LAMB4: variants seen among roughly 807,000 people sequenced by gnomAD.
LAMB4 encodes laminin subunit beta-4.
LAMB4 carries 196 observed loss-of-function variants against 199.2 expected under a neutral mutation model. That is an observed-to-expected ratio of 0.98 (90% CI 0.88 to 1.11). The LOEUF is 1.11. LAMB4 is among the 50% of genes least tolerant of loss of function. The probability of loss-of-function intolerance (pLI) is 0.00; values close to 1 mark genes in which losing one functional copy is unlikely to be tolerated. For synonymous variants in LAMB4, 744 were observed against 770.6 expected, an observed-to-expected ratio of 0.97 and a Z score of 0.57; for missense variants, 2,080 against 2,171.2, an observed-to-expected ratio of 0.96 and a Z score of 0.83.
Position 108,055,734 on chromosome 7 carries a change from T to G in LAMB4, c.3653A>C (p.Lys1218Thr). 6.2e-7 allele frequency: 1 copy of G among 1,614,194 alleles called. No homozygotes were observed. Among genetic ancestry groups the G allele is most frequent in the Non-Finnish European group, 8.5e-7 (1 of 1,179,990 alleles). ...TTCAGACACGTTCCCTCTGAGGTCT[T>G]TGAAGTCTGCCTCACAGACAGGCAG... ...ETLPVCEADFKDLRGNVSEIE... is the reference protein window; with the variant it reads ...ETLPVCEADFTDLRGNVSEIE... The change falls in exon 25 of 34, where the codon AAA becomes ACA. Residue 1218 changes from lysine (K) to threonine (T), a missense_variant. By Grantham distance (78) the Lys-to-Thr change is moderately conservative (BLOSUM62 -1). Coordinates refer to ENST00000388781, the MANE Select transcript of LAMB4 (RefSeq NM_007356.3).
At chr7:108,056,979 A>G (rs2036005056) in intron 24 of LAMB4, among the ~76,000 whole-genome samples, 1 of 152,182 alleles carries the variant, frequency 6.6e-6, no homozygotes, top group South Asian at 2.1e-4. Context: ...CTCAAAAAAA[A>G]AAAAAAAAAA....
At chr7:108,033,294 A>G (rs1049468558) in intron 31 of LAMB4, among the ~76,000 whole-genome samples, 1 of 152,162 alleles carries the variant, frequency 6.6e-6, no homozygotes, top group East Asian at 1.9e-4. Context: ...CCCTTGTTCT[A>G]AGTATATGCC....
intron 10 of LAMB4, 122 bp downstream of exon 10, chr7:108,102,922 A>C: frequency 1.4e-6 from 1 of 734,110 alleles, no homozygotes; most frequent in Non-Finnish European, 2.0e-6. Context: ...GCAATCCTCC[A>C]CTCTCCAAAA....
intron 4 of LAMB4, among the ~76,000 whole-genome samples, chr7:108,110,347 T>C (rs1385076713): frequency 6.6e-6 from 1 of 152,188 alleles, no homozygotes; most frequent in Non-Finnish European, 1.5e-5. Flanking sequence ...AGTGATTCTT[T>C]ATTATACATT....
chr7:108,012,930 C>T, the LAMB4 span, among the ~76,000 whole-genome samples: 1 of 152,214 alleles, frequency 6.6e-6, no homozygotes. Context: ...GCTCTGATGG[C>T]ACTTCACATG....
intron 23 of LAMB4, among the ~76,000 whole-genome samples, chr7:108,061,063 C>T (rs889590707): frequency 6.6e-6 from 1 of 152,200 alleles, no homozygotes; most frequent in South Asian, 2.1e-4. Context: ...TGGCACTTGA[C>T]TTCTCTGGTG....
intron 8 of LAMB4, among the ~76,000 whole-genome samples, chr7:108,105,396 T>C (rs1441072694): frequency 6.6e-6 from 1 of 152,210 alleles, no homozygotes; most frequent in East Asian, 1.9e-4. Flanking sequence ...AGTAGATTTT[T>C]GTGAGAGAAT....
chr7:108,033,298 A>G (rs1162384518), intron 31 of LAMB4, among the ~76,000 whole-genome samples: 1 of 152,192 alleles, frequency 6.6e-6, no homozygotes, highest in Admixed American at 6.5e-5. Context: ...TGTTCTAAGT[A>G]TATGCCTAGA....
At chr7:108,027,894 T>G (rs954114251) in intron 33 of LAMB4, among the ~76,000 whole-genome samples, 1 of 152,174 alleles carries the variant, frequency 6.6e-6, no homozygotes, top group Non-Finnish European at 1.5e-5. Context: ...GCGATTCTCC[T>G]GCCTCAGCCT....
intron 29 of LAMB4, among the ~76,000 whole-genome samples, chr7:108,039,721 G>A (rs1216778226): frequency 2.6e-5 from 4 of 152,026 alleles, no homozygotes; most frequent in East Asian, 1.9e-4. Context: ...CGCCTGCCTC[G>A]GCCTCCCAAA....
chr7:108,106,452 T>G, intron 7 of LAMB4, 57 bp downstream of exon 7: 6 of 1,012,224 alleles, frequency 5.9e-6, no homozygotes, highest in Non-Finnish European at 9.1e-6. Context: ...TTACAAGGAA[T>G]ATGCCAAACA....
At chr7:108,011,929 A>G in the LAMB4 span, among the ~76,000 whole-genome samples, 8 of 151,782 alleles carry the variant, frequency 5.3e-5, no homozygotes, top group Non-Finnish European at 1.0e-4. Flanking sequence ...AGATGTAGCA[A>G]ATAACATAAT....
chr7:108,020,470 C>CAAAAAAAAAAA (rs57432162), downstream of LAMB4, among the ~76,000 whole-genome samples: 16 of 62,848 alleles, frequency 2.5e-4, no homozygotes, highest in Non-Finnish European at 4.2e-4. Flanking sequence ...GACTCCATCT[C>CAAAAAAAAAAA]AAAAAAAAAA....
intron 1 of LAMB4, among the ~76,000 whole-genome samples, chr7:108,127,798 T>C (rs1368934574): frequency 1.3e-5 from 2 of 152,180 alleles, no homozygotes; most frequent in African/African-American, 4.8e-5. Flanking sequence ...GGCTCCTCAG[T>C]AGTAAGACTC....
chr7:108,086,134 G>A (rs968482502), intron 14 of LAMB4, among the ~76,000 whole-genome samples: 1 of 152,148 alleles, frequency 6.6e-6, no homozygotes, highest in Non-Finnish European at 1.5e-5. Context: ...ACCTGCATCT[G>A]CCCTGGCAGT....
At position 108,047,995 on chromosome 7, in the gene LAMB4, G is replaced by C. The variant is rs183141064; in HGVS notation, c.4239C>G (p.Thr1413=). The change falls in exon 28 of 34, where the codon ACC becomes ACG. Residue 1413 remains threonine (T), a synonymous_variant. Transcript: ENST00000388781. ...CTTTTTGGAGGGCATTCGTTGAGAGGGTCAGGGAGCCGTGACAGCCGGGAC... is the reference window on the plus strand; with the variant it reads ...CTTTTTGGAGGGCATTCGTTGAGAGCGTCAGGGAGCCGTGACAGCCGGGAC... ...CRGPGCHGSL[T]LSTNALQKAQ... The C allele has an allele frequency of 1.2e-4, 195 of 1,614,108 alleles. No homozygotes were observed. The highest frequency in any genetic ancestry group is 1.6e-4 in the Non-Finnish European group (192 of 1,180,000).
rs1174277387 is a variant in LAMB4, at chr7:108,069,688, C to T, written c.2302+20G>A. On this transcript the variant is annotated intron_variant, in intron 18 of 33. Transcript: ENST00000388781. ...TATGGATGTCAGTGCCTCAGTAGAG[C>T]CCATTAAACAGATACTTACCCACAG... The T allele has an allele frequency of 6.2e-7, 1 of 1,602,628 alleles. No individual in the cohort carries two copies. Among genetic ancestry groups the T allele is most frequent in the Non-Finnish European group, 8.5e-7 (1 of 1,172,176 alleles).
intron 2 of LAMB4, among the ~76,000 whole-genome samples, chr7:108,118,175 AT>A (rs2150687614): frequency 6.6e-6 from 1 of 152,308 alleles, no homozygotes; most frequent in South Asian, 2.1e-4. Context: ...TTTATTGTTA[AT>A]TCAATTAAAG....
At chr7:108,128,154 T>C (rs2038859274) in intron 1 of LAMB4, among the ~76,000 whole-genome samples, 1 of 152,094 alleles carries the variant, frequency 6.6e-6, no homozygotes, top group Admixed American at 6.5e-5. Context: ...TCAGTGAAAA[T>C]GCTGTATGAA....
Sources: gnomAD v4.1 joint callset for allele counts (sites outside exome capture counted in the v4.1 genomes callset) on GRCh38, gnomAD v4.1.1 for gene constraint, MANE v1.5 for transcripts, NCBI Gene and HGNC (gene_info 2026-07-23, HGNC 2026-07-21) for gene names.